HLA-DOB: variants seen among roughly 807,000 people sequenced by gnomAD.
The protein encoded by HLA-DOB is HLA class II histocompatibility antigen, DO beta chain.
In HLA-DOB, 25 loss-of-function variants were observed where a neutral mutation model predicts 27.7. The ratio of observed to expected loss-of-function variants is 0.90; its 90% CI spans 0.66 to 1.26. The LOEUF (loss-of-function observed/expected upper bound fraction) is 1.26, where lower values mean the gene tolerates loss of function less well. Ranked by LOEUF, HLA-DOB falls within the 50% of genes most tolerant of loss-of-function variation. The pLI is 0.00. For synonymous variants in HLA-DOB, 137 were observed against 125.6 expected (o/e 1.09, Z -0.61); for missense variants, 306 against 324.9 (o/e 0.94, Z 0.45).
At chr6:32,814,927 T>A (rs1386860694) in intron 2 of HLA-DOB, 117 bp downstream of exon 2, 1 of 1,212,488 alleles carries the variant, frequency 8.2e-7, no homozygotes, top group Non-Finnish European at 1.1e-6. Flanking sequence ...GGCCAGAACA[T>A]CTACACAGAC....
Position 32,816,869 on chromosome 6 carries a change from T to C in HLA-DOB, c.83A>G (p.Asp28Gly), listed in dbSNP as rs774137652. The change falls in exon 1 of 6, where the codon GAC becomes GGC. Residue 28 changes from aspartate to glycine, a missense_variant. By Grantham distance (94) the Asp-to-Gly change is moderately conservative. Transcript: ENST00000438763. ...AATTGCTCTGTTCTTACCTGGAGAG[T>C]CTGTGCCTTGAGTCATGGAGGAATC... The part of the protein sequence containing the change: ...RLDSSMTQGT[D>G]SPEDFVIQAK... The C allele has an allele frequency of 2.5e-6, 4 of 1,612,274 alleles. No homozygotes were observed. The highest frequency in any genetic ancestry group is 3.4e-6 in the Non-Finnish European group (4 of 1,179,564).
In HLA-DOB at chr6:32,815,149, G is replaced by T. The variant is rs142229094; in HGVS notation, c.256C>A (p.Gln86Lys). The change falls in exon 2 of 6, where the codon CAG becomes AAG. Residue 86 changes from glutamine (Q) to lysine (K), a missense_variant. Gln to Lys is a moderately conservative substitution (Grantham distance 53). Transcript: ENST00000438763. ...AAGAGATCCAGCCGGCTGTTCCACTGCTCAGCATCTGGCTGCCCCAGCTTG... is the reference window on the plus strand; with the variant it reads ...AAGAGATCCAGCCGGCTGTTCCACTTCTCAGCATCTGGCTGCCCCAGCTTG... ...LTKLGQPDAE[Q>K]WNSRLDLLER... 3.4e-4 allele frequency: 552 copies of T among 1,614,082 alleles called. No homozygotes were observed. The highest frequency in any genetic ancestry group is 2.4e-4 in the Non-Finnish European group (278 of 1,180,038).
In HLA-DOB at chr6:32,813,748, G is replaced by T. The variant is rs558387026; in HGVS notation, c.729C>A (p.Ile243=). The T allele has an allele frequency of 1.4e-5, 22 of 1,558,406 alleles. No individual in the cohort carries two copies. The highest frequency in any genetic ancestry group is 1.7e-5 in the Non-Finnish European group (20 of 1,149,664). ...LLGLIFLLVG[I]VIQLRAQKGY... is the part of the protein sequence containing the mutation. ...CTTTCTGAGCCCTTAGCTGGATGAC[G>T]ATTCCCACCAGAAGGAAGATTAGCC... Residue 243 remains isoleucine (I), a synonymous_variant, in exon 4 of 6, where the codon ATC becomes ATA. Transcript: ENST00000438763.
chr6:32,812,903 C>T lies in HLA-DOB; in HGVS notation c.*313G>A, dbSNP rs1767853203. On this transcript the variant is annotated 3_prime_UTR_variant, in exon 6 of 6. Transcript: ENST00000438763. ...AGACAGAAAGCTTTGGAGATCATGA[C>T]TTATAGGAGTAGGGCTGGACCACAG... 1 of 421,456 alleles carries T rather than the reference C, an allele frequency of 2.4e-6. No individual in the cohort carries two copies. Among genetic ancestry groups the T allele is most frequent in the South Asian group, 4.1e-5 (1 of 24,350 alleles). 26.1% of individuals were successfully genotyped at this position (421,456 alleles called of 1,614,324 possible). A position where few individuals can be genotyped will look rare whatever the true frequency, so the allele number is the denominator to read the frequency against.
intron 3 of HLA-DOB, 76 bp downstream of exon 3, chr6:32,814,244 A>G (rs1767918833): frequency 1.5e-6 from 2 of 1,354,556 alleles, no homozygotes; most frequent in African/African-American, 1.4e-5. Context: ...AGATAAACGC[A>G]GAAGTGACAC....
chr6:32,814,409 A>G lies in HLA-DOB; in HGVS notation c.554T>C (p.Val185Ala), dbSNP rs753073345. 2 of 1,613,012 alleles carry G rather than the reference A, an allele frequency of 1.2e-6. No individual in the cohort carries two copies. Among genetic ancestry groups the G allele is most frequent in the Middle Eastern group, 1.6e-4 (1 of 6,062 alleles). Reference protein sequence around the residue: ...RNGDWTFQTVVMLEMTPELGH... With the variant: ...RNGDWTFQTVAMLEMTPELGH... The stretch of plus-strand genomic sequence containing the variant: ...AAGTTCAGGAGTCATTTCTAGCATC[A>G]CCACAGTCTGAAAGGTCCAGTCTCC... Residue 185 changes from valine to alanine, a missense_variant, in exon 3 of 6, where the codon GTG becomes GCG. By Grantham distance (64) the Val-to-Ala change is moderately conservative. Transcript: ENST00000438763.
rs763975406 is a variant in HLA-DOB, at chr6:32,814,378, A to G, written c.585T>C (p.His195=). The G allele has an allele frequency of 6.2e-7, 1 of 1,613,030 alleles. No homozygotes were observed. Among genetic ancestry groups the G allele is most frequent in the South Asian group, 1.1e-5 (1 of 91,072 alleles). The stretch of plus-strand genomic sequence containing the variant: ...AGTGATCGACAAGGCAGGTGTAGAC[A>G]TGTCCAAGTTCAGGAGTCATTTCTA... ...VMLEMTPELG[H]VYTCLVDHSS... is the part of the protein sequence containing the mutation. The change falls in exon 3 of 6, where the codon CAT becomes CAC. Residue 195 remains histidine (H), a synonymous_variant. Coordinates refer to ENST00000438763, the MANE Select transcript of HLA-DOB (RefSeq NM_002120.4).
At chr6:32,816,105 G>C (rs1053112375) in intron 1 of HLA-DOB, among the ~76,000 whole-genome samples, 3 of 151,984 alleles carry the variant, frequency 2.0e-5, no homozygotes, top group Middle Eastern at 6.8e-3. Context: ...AACTCAGGGC[G>C]GTTTCTATTC....
In HLA-DOB at chr6:32,815,055, A is replaced by C. The variant is rs771000993; in HGVS notation, c.350T>G (p.Val117Gly). The C allele has an allele frequency of 6.2e-7, 1 of 1,613,934 alleles. No individual in the cohort carries two copies. Residue 117 changes from valine to glycine, a missense_variant, in exon 2 of 6, where the codon GTG becomes GGG. Physicochemically the swap from Val to Gly is moderately radical, Grantham distance 109 (BLOSUM62 -3). Transcript: ENST00000438763. ...HNYRLGAPFT[V>G]GRKVQPEVTV... Reference sequence around the variant, plus strand: ...AGCTTCCAGCTCACCTTTTCTCCCCACAGTGAAGGGTGCGCCCAGCCTGTA... The same window carrying C: ...AGCTTCCAGCTCACCTTTTCTCCCCCCAGTGAAGGGTGCGCCCAGCCTGTA...
At position 32,815,295 on chromosome 6, in the gene HLA-DOB, G is replaced by C. The variant is rs1310889579; in HGVS notation, c.110C>G (p.Ala37Gly). The C allele has an allele frequency of 2.5e-6, 4 of 1,613,936 alleles. No individual in the cohort carries two copies. Among genetic ancestry groups the C allele is most frequent in the Non-Finnish European group, 3.4e-6 (4 of 1,179,934 alleles). Residue 37 changes from alanine (A) to glycine (G), a missense_variant, in exon 2 of 6, where the codon GCA (alanine) becomes GGA (glycine). Ala to Gly is a moderately conservative substitution (Grantham distance 60, BLOSUM62 0). Transcript: ENST00000438763. Reference protein sequence around the residue: ...TDSPEDFVIQAKADCYFTNGT... With the variant: ...TDSPEDFVIQGKADCYFTNGT... ...GTTGGTGAAGTAACAGTCAGCCTTT[G>C]CCTGAATCACAAAATCTTCTGGAAA...
chr6:32,814,630 T>A (rs1394107452), intron 2 of HLA-DOB, 29 bp from the exon 3 acceptor site: 1 of 1,594,650 alleles, frequency 6.3e-7, no homozygotes, highest in Non-Finnish European at 8.6e-7. Context: ...TGAGACACCG[T>A]GAAAGAAAAC....
chr6:32,813,562 A>G, intron 4 of HLA-DOB, 91 bp from the exon 5 acceptor site: 1 of 1,412,074 alleles, frequency 7.1e-7, no homozygotes, highest in Admixed American at 1.7e-5. Flanking sequence ...CAAGGTCAGC[A>G]CTCTCTCTGC....
At chr6:32,814,654 C>T in intron 2 of HLA-DOB, 53 bp from the exon 3 acceptor site, 3 of 1,490,574 alleles carry the variant, frequency 2.0e-6, no homozygotes, top group Non-Finnish European at 2.8e-6. Context: ...CAAGCTGGGA[C>T]AGGAGATTCT....
Position 32,816,996 on chromosome 6 carries a change from T to C in HLA-DOB, c.-45A>G. 7.1e-7 allele frequency: 1 copy of C among 1,402,232 alleles called. No homozygotes were observed. The highest frequency in any genetic ancestry group is 1.0e-6 in the Non-Finnish European group (1 of 989,352). The allele number at this position is 1,402,232 out of a possible 1,614,324, so 86.9% of individuals were successfully genotyped here. ...TGAGATAGTAAAATCGTCAGCCTCT[T>C]CAGAATGAGCTCATAAAATTCAGTC... On this transcript the variant is annotated 5_prime_UTR_variant, in exon 1 of 6. Coordinates refer to ENST00000438763, the MANE Select transcript of HLA-DOB (RefSeq NM_002120.4).
intron 1 of HLA-DOB, among the ~76,000 whole-genome samples, chr6:32,816,443 A>G (rs1768022704): frequency 6.6e-6 from 1 of 152,196 alleles, no homozygotes; most frequent in Admixed American, 6.5e-5. Context: ...TTCCAGTTTC[A>G]TTTGTCCACA....
At chr6:32,814,049 A>C in intron 3 of HLA-DOB, 1 of 606,736 alleles carries the variant, frequency 1.6e-6, no homozygotes. Context: ...CCTAAATACT[A>C]AGACCAAAGA....
At chr6:32,813,589 T>C in intron 4 of HLA-DOB, 118 bp from the exon 5 acceptor site, 1 of 1,312,926 alleles carries the variant, frequency 7.6e-7, no homozygotes, top group East Asian at 2.3e-5. Context: ...CATTTCTAGC[T>C]TCAGAAAAAA....
chr6:32,813,453 A>T lies in HLA-DOB; in HGVS notation c.773T>A (p.Met258Lys), dbSNP rs1267550762. ...RAQKGYVRTQMSGNEVSRAVL... is the reference protein window; with the variant it reads ...RAQKGYVRTQKSGNEVSRAVL... Reference sequence around the variant, plus strand: ...AAGAGACATTACCTCATTACCAGACATCTGCGTCCTCACATATCCTGGAAA... The same window carrying T: ...AAGAGACATTACCTCATTACCAGACTTCTGCGTCCTCACATATCCTGGAAA... The change falls in exon 5 of 6, where the codon ATG becomes AAG. Residue 258 changes from methionine to lysine, a missense_variant. Transcript: ENST00000438763. The T allele has an allele frequency of 6.2e-7, 1 of 1,613,040 alleles. No individual in the cohort carries two copies. The highest frequency in any genetic ancestry group is 1.3e-5 in the African/African-American group (1 of 74,922).
rs749675103 is a variant in HLA-DOB at position 32,813,502 on chromosome 6, C to A, written c.755-31G>T. On this transcript the variant is annotated intron_variant, in intron 4 of 5. Coordinates refer to ENST00000438763, the MANE Select transcript of HLA-DOB (RefSeq NM_002120.4). ...AAGAAATCGAGAAAAGAATGGATTG[C>A]CCCAATTAGGACCCAATATGATTAT... 4.0e-6 allele frequency: 6 copies of A among 1,514,046 alleles called. No individual in the cohort carries two copies. In the African/African-American group the frequency reaches 8.7e-5, roughly 22 times the overall value. 93.8% of individuals were successfully genotyped at this position (1,514,046 alleles called of 1,614,324 possible).
Sources: allele counts gnomAD v4.1 joint callset (sites outside exome capture counted in the v4.1 genomes callset), GRCh38; gene constraint gnomAD v4.1.1; transcripts MANE v1.5; gene names NCBI Gene and HGNC (gene_info 2026-07-23, HGNC 2026-07-21).